Variants in SKAP2 observed in about 807,000 individuals in gnomAD.
SKAP2 encodes src kinase associated phosphoprotein 2, also known as src kinase-associated phosphoprotein 2.
SKAP2 carries 28 observed loss-of-function variants against 54.9 expected under a neutral mutation model. The ratio of observed to expected loss-of-function variants is 0.51; its 90% CI spans 0.38 to 0.70. The LOEUF is 0.70. Ranked by LOEUF, SKAP2 falls within the 30% of genes least tolerant of loss-of-function variation. The pLI is 0.00. For missense variants in SKAP2, 356 were observed against 424.1 expected (o/e 0.84, Z 1.41); for synonymous variants, 137 against 134.3 (o/e 1.02, Z -0.14).
intron 4 of SKAP2, among the ~76,000 whole-genome samples, chr7:26,771,866 A>C (rs1341234815): frequency 6.6e-6 from 1 of 152,218 alleles, no homozygotes; most frequent in Non-Finnish European, 1.5e-5. Context: ...AAAACCAGCC[A>C]AGAGAAAGTT....
At chr7:26,744,747 C>CAA (rs1782526639) in intron 4 of SKAP2, among the ~76,000 whole-genome samples, 1 of 151,992 alleles carries the variant, frequency 6.6e-6, no homozygotes, top group South Asian at 2.1e-4. Context: ...CATACACACA[C>CAA]ACACACAAAC....
chr7:26,845,762 T>A (rs1784908056), intron 3 of SKAP2, among the ~76,000 whole-genome samples: 1 of 151,890 alleles, frequency 6.6e-6, no homozygotes, highest in East Asian at 1.9e-4. Flanking sequence ...CAAGACCACA[T>A]CTCTAAATAA....
At chr7:26,674,616 T>C (rs1278194551) in intron 11 of SKAP2, among the ~76,000 whole-genome samples, 1 of 152,192 alleles carries the variant, frequency 6.6e-6, no homozygotes, top group African/African-American at 2.4e-5. Flanking sequence ...TCCATGATGT[T>C]TGAGCACCAC....
At chr7:26,805,164 G>A (rs1450585916) in intron 4 of SKAP2, among the ~76,000 whole-genome samples, 1 of 151,988 alleles carries the variant, frequency 6.6e-6, no homozygotes, top group Non-Finnish European at 1.5e-5. Flanking sequence ...AGACCAGCCT[G>A]GGCAACATAG....
At position 26,741,563 on chromosome 7, in the gene SKAP2, TAAATA is replaced by T. The variant is rs1562593912; in HGVS notation, c.308-1604_308-1600del. Among the ~76,000 whole-genome samples the T allele has an allele frequency of 3.6e-3, 359 of 98,862 alleles. 1 individual carries two copies. Among genetic ancestry groups the T allele is most frequent in the African/African-American group, 0.011 (338 of 29,602 alleles). The allele number at this position is 98,862 out of a possible 152,430, so 64.9% of individuals were successfully genotyped here. ...CTAAATAAATAAATAAATAAATAAA[TAAATA>T]AATAAATAAATTAATAAAATGAAAT... On this transcript the variant is annotated intron_variant, in intron 4 of 12. Coordinates refer to ENST00000345317, the MANE Select transcript of SKAP2 (RefSeq NM_003930.5).
At chr7:26,717,543 G>C (rs985546899) in intron 9 of SKAP2, among the ~76,000 whole-genome samples, 1 of 42,558 alleles carries the variant, frequency 2.3e-5, no homozygotes, top group Non-Finnish European at 5.4e-5. Context: ...AAAAAAAAAA[G>C]GGCCAGATGC....
At chr7:26,807,963 ATAGTG>A (rs1411269531) in intron 4 of SKAP2, among the ~76,000 whole-genome samples, 1 of 152,254 alleles carries the variant, frequency 6.6e-6, no homozygotes, top group Non-Finnish European at 1.5e-5. Context: ...AGACTACAGT[ATAGTG>A]TAAACATAAC....
intron 4 of SKAP2, among the ~76,000 whole-genome samples, chr7:26,799,866 C>A (rs1783873681): frequency 6.6e-6 from 1 of 152,122 alleles, no homozygotes; most frequent in African/African-American, 2.4e-5. Context: ...CGCCTGTAAT[C>A]CCAGCACTTT....
intron 9 of SKAP2, among the ~76,000 whole-genome samples, chr7:26,708,967 T>G (rs1465763975): frequency 6.6e-6 from 1 of 152,188 alleles, no homozygotes; most frequent in Admixed American, 6.5e-5. Flanking sequence ...TTAGTATTCT[T>G]TTTCAGTTGA....
chr7:26,695,895 G>A (rs183540485), intron 9 of SKAP2, among the ~76,000 whole-genome samples: 243 of 152,172 alleles, frequency 1.6e-3, no homozygotes, highest in African/African-American at 5.6e-3. Context: ...GTGACATGGG[G>A]GAACAGAGGA....
At chr7:26,766,937 G>C (rs1176963437) in intron 4 of SKAP2, among the ~76,000 whole-genome samples, 2 of 152,026 alleles carry the variant, frequency 1.3e-5, no homozygotes, top group African/African-American at 4.8e-5. Flanking sequence ...TTCTTTTTTT[G>C]TTGTGTCTCT....
intron 4 of SKAP2, among the ~76,000 whole-genome samples, chr7:26,774,698 TA>T (rs1353926258): frequency 6.6e-6 from 1 of 152,190 alleles, no homozygotes; most frequent in Non-Finnish European, 1.5e-5. Context: ...AATACCATTC[TA>T]AAACTTTGGA....
intron 4 of SKAP2, among the ~76,000 whole-genome samples, chr7:26,744,397 T>C (rs61636979): frequency 0.085 from 12,894 of 152,074 alleles, 609 homozygotes; most frequent in Middle Eastern, 0.16. Flanking sequence ...GGTAGACAAT[T>C]GCATTACTGT....
intron 4 of SKAP2, among the ~76,000 whole-genome samples, chr7:26,764,555 T>G (rs1258844393): frequency 6.6e-6 from 1 of 152,080 alleles, no homozygotes; most frequent in Non-Finnish European, 1.5e-5. Flanking sequence ...ACTATATAAC[T>G]TTTTTTCATA....
chr7:26,799,290 A>G (rs1487193290), intron 4 of SKAP2, among the ~76,000 whole-genome samples: 1 of 152,134 alleles, frequency 6.6e-6, no homozygotes, highest in Non-Finnish European at 1.5e-5. Flanking sequence ...AAGAAAAAAA[A>G]AACCCCATTG....
intron 4 of SKAP2, among the ~76,000 whole-genome samples, chr7:26,829,169 C>T (rs1396889632): frequency 6.6e-6 from 1 of 151,944 alleles, no homozygotes; most frequent in Admixed American, 6.6e-5. Flanking sequence ...AAATATTTAC[C>T]AATCATATAT....
At chr7:26,791,867 C>G (rs921928676) in intron 4 of SKAP2, among the ~76,000 whole-genome samples, 2 of 152,222 alleles carry the variant, frequency 1.3e-5, no homozygotes, top group South Asian at 4.1e-4. Context: ...GATTTGAAAA[C>G]ATGGCCTTCA....
chr7:26,831,487 A>G (rs529849039), intron 4 of SKAP2, among the ~76,000 whole-genome samples: 1 of 152,186 alleles, frequency 6.6e-6, no homozygotes, highest in Admixed American at 6.5e-5. Flanking sequence ...GACAACACTC[A>G]CAAACAGTTG....
intron 4 of SKAP2, among the ~76,000 whole-genome samples, chr7:26,744,981 T>A (rs763616): frequency 0.68 from 103,179 of 152,042 alleles, 35,262 homozygotes; most frequent in East Asian, 0.9. Flanking sequence ...TCATCAATAA[T>A]TCATCATATT....
Sources: allele counts gnomAD v4.1 joint callset (sites outside exome capture counted in the v4.1 genomes callset), GRCh38; gene constraint gnomAD v4.1.1; transcripts MANE v1.5; gene names NCBI Gene and HGNC (gene_info 2026-07-23, HGNC 2026-07-21).